The following BNC1 variants were observed in gnomAD, a reference collection of about 807,000 sequenced individuals.
BNC1 encodes the protein zinc finger protein basonuclin-1.
Under a neutral mutation model 66.5 loss-of-function variants are expected in BNC1, and 8 were observed. The ratio of observed to expected loss-of-function variants is 0.12; its 90% confidence interval spans 0.07 to 0.22. BNC1 has a LOEUF of 0.22. Ranked by LOEUF, BNC1 falls within the 10% of genes least tolerant of loss-of-function variation. The probability of loss-of-function intolerance (pLI) is 1.00; values close to 1 mark genes in which losing one functional copy is unlikely to be tolerated. For synonymous variants in BNC1, 454 were observed against 452.6 expected (o/e 1.00, Z -0.04); for missense variants, 1,069 against 1,241.3 (o/e 0.86, Z 2.09).
intron 1 of BNC1, among the ~76,000 whole-genome samples, chr15:83,278,422 G>C (rs1361133352): frequency 2.0e-5 from 3 of 152,162 alleles, no homozygotes; most frequent in African/African-American, 7.2e-5. Flanking sequence ...CAGCAGAGTA[G>C]AGAATATGAT....
At chr15:83,277,168 G>A (rs535585816) in intron 1 of BNC1, among the ~76,000 whole-genome samples, 5 of 152,112 alleles carry the variant, frequency 3.3e-5, no homozygotes, top group East Asian at 3.9e-4. Flanking sequence ...TCTACCTCCC[G>A]GGATCAAGGG....
At chr15:83,267,591 A>C (rs1319145534) in intron 2 of BNC1, among the ~76,000 whole-genome samples, 2 of 152,228 alleles carry the variant, frequency 1.3e-5, no homozygotes, top group African/African-American at 2.4e-5. Context: ...ACAAAATTTA[A>C]AACTCCATTC....
Position 83,257,910 on chromosome 15 carries a change from A to G in BNC1, c.2517T>C (p.Ser839=). 1.2e-6 allele frequency: 2 copies of G among 1,614,158 alleles called. No homozygotes were observed. Among genetic ancestry groups the G allele is most frequent in the African/African-American group, 1.3e-5 (1 of 75,030 alleles). ...CAGAGTTGTAGCTCTCCAGGCTGGC[A>G]CTGTGGACTTGCGTTATTGGGTAAA... ...SLVYPITQVH[S]ASLESYNSGP... Residue 839 remains serine (S), a synonymous_variant, in exon 5 of 5, where the codon AGT becomes AGC. Coordinates refer to ENST00000345382, the MANE Select transcript of BNC1 (RefSeq NM_001717.4).
At position 83,264,737 on chromosome 15, in the gene BNC1, G is replaced by A; in HGVS notation, c.514C>T (p.Arg172Cys). 1 of 1,614,146 alleles carries A rather than the reference G, an allele frequency of 6.2e-7. No individual in the cohort carries two copies. The highest frequency in any genetic ancestry group is 8.5e-7 in the Non-Finnish European group (1 of 1,180,022). The change falls in exon 4 of 5, where the codon CGT becomes TGT. Residue 172 changes from arginine to cysteine, a missense_variant. By Grantham distance (180) the Arg-to-Cys change is radical. This residue lies in a region of BNC1 where 181 missense variants were observed against 181.5 expected (regional missense o/e 1.00). Transcript: ENST00000345382. Reference protein sequence around the residue: ...EEVATLQQFLRFGETKSIVEL... With the variant: ...EEVATLQQFLCFGETKSIVEL... ...ACTATAGATTTGGTCTCTCCAAAAC[G>A]AAGGAACTGCTGCAAGGTGGCCACT...
rs1211473004 is a variant in BNC1, at chr15:83,267,005, A to G, written c.266T>C (p.Val89Ala). 6.2e-7 allele frequency: 1 copy of G among 1,613,994 alleles called. No homozygotes were observed. The highest frequency in any genetic ancestry group is 1.7e-5 in the Admixed American group (1 of 60,002). ...TSQVEIVQSN[V>A]VFDISSLMLY... ...CATGAGGCTGCTAATATCAAACACT[A>G]CATTGGACTGGACAATCTCCACCTG... The change falls in exon 3 of 5, where the codon GTA becomes GCA. Residue 89 changes from valine to alanine, a missense_variant. Val to Ala is a moderately conservative substitution (Grantham distance 64). This residue lies in a region of BNC1 where 39 missense variants were observed against 89.5 expected (regional missense o/e 0.44). Coordinates refer to ENST00000345382, the MANE Select transcript of BNC1 (RefSeq NM_001717.4).
chr15:83,256,882 A>G lies in BNC1; in HGVS notation c.*560T>C, dbSNP rs2038079395. On this transcript the variant is annotated 3_prime_UTR_variant, in exon 5 of 5. Coordinates refer to ENST00000345382, the MANE Select transcript of BNC1 (RefSeq NM_001717.4). ...AATCCTCTGAGAACTCCCTGGGGTA[A>G]CATATGAGACCTCTGGTGCAGGGCT... The G allele has an allele frequency of 6.5e-6, 1 of 152,990 alleles. No homozygotes were observed. Among genetic ancestry groups the G allele is most frequent in the Non-Finnish European group, 1.5e-5 (1 of 68,682 alleles). 9.5% of individuals were successfully genotyped at this position (152,990 alleles called of 1,614,324 possible). A position where few individuals can be genotyped will look rare whatever the true frequency, so the allele number is the denominator to read the frequency against.
intron 4 of BNC1, among the ~76,000 whole-genome samples, chr15:83,262,053 T>G (rs540556821): frequency 8.7e-5 from 13 of 148,810 alleles, no homozygotes; most frequent in African/African-American, 3.2e-4. Flanking sequence ...ATGTTTTTTT[T>G]TTTTTTTTTT....
intron 3 of BNC1, among the ~76,000 whole-genome samples, chr15:83,265,981 C>T (rs1170927664): frequency 6.6e-6 from 1 of 152,122 alleles, no homozygotes; most frequent in East Asian, 1.9e-4. Flanking sequence ...TTTTACCAAA[C>T]TTTGACATTT....
intron 4 of BNC1, 44 bp downstream of exon 4, chr15:83,262,907 A>G (rs753835588): frequency 3.3e-6 from 5 of 1,527,282 alleles, no homozygotes; most frequent in Non-Finnish European, 4.4e-6. Flanking sequence ...TTAAACTTGA[A>G]GAGCCACTGC....
rs1394742469 is a variant in BNC1 at position 83,267,048 on chromosome 15, G to A, written c.223C>T (p.Pro75Ser). The A allele has an allele frequency of 1.2e-6, 2 of 1,613,894 alleles. No individual in the cohort carries two copies. Among genetic ancestry groups the A allele is most frequent in the South Asian group, 1.1e-5 (1 of 91,048 alleles). The change falls in exon 3 of 5, where the codon CCC becomes TCC. Residue 75 changes from proline to serine, a missense_variant. By Grantham distance (74) the Pro-to-Ser change is moderately conservative. Coordinates refer to ENST00000345382, the MANE Select transcript of BNC1 (RefSeq NM_001717.4). ...TCCACCTGGCTTGTTGGATACATGG[G>A]GGGGATCCTTAGCTTACTTAGAGCT... Reference protein sequence around the residue: ...AHALSKLRIPPMYPTSQVEIV... With the variant: ...AHALSKLRIPSMYPTSQVEIV...
intron 1 of BNC1, among the ~76,000 whole-genome samples, chr15:83,277,588 C>G (rs1203061307): frequency 6.6e-6 from 1 of 152,198 alleles, no homozygotes; most frequent in African/African-American, 2.4e-5. Flanking sequence ...GGATTACAGG[C>G]ATGAGCCACC....
chr15:83,259,319 A>G (rs988728617), intron 4 of BNC1, among the ~76,000 whole-genome samples: 9 of 152,208 alleles, frequency 5.9e-5, no homozygotes, highest in Non-Finnish European at 1.3e-4. Context: ...CACTCCCCCA[A>G]TACATATCAG....
chr15:83,276,121 T>G (rs1483715756), intron 1 of BNC1, among the ~76,000 whole-genome samples: 4 of 152,186 alleles, frequency 2.6e-5, no homozygotes, highest in Non-Finnish European at 5.9e-5. Flanking sequence ...TACTCCTGCC[T>G]ACCTCAGAGG....
intron 1 of BNC1, among the ~76,000 whole-genome samples, chr15:83,268,607 G>A (rs1430281208): frequency 1.3e-5 from 2 of 152,214 alleles, no homozygotes; most frequent in Non-Finnish European, 2.9e-5. Context: ...TACAGAAGCT[G>A]TCTTGGAACA....
In BNC1 at chr15:83,256,058, A is replaced by C. The variant is rs547440290; in HGVS notation, c.*1384T>G. On this transcript the variant is annotated 3_prime_UTR_variant, in exon 5 of 5. Transcript: ENST00000345382. ...AAGTTTTAAGTTGTCACACTTATTA[A>C]AACAAAAAAAGCTGAAATAATTGGT... 3.1e-4 allele frequency: 48 copies of C among 152,774 alleles called. No individual in the cohort carries two copies. Among genetic ancestry groups the C allele is most frequent in the African/African-American group, 1.1e-3 (45 of 41,592 alleles). 9.5% of individuals were successfully genotyped at this position (152,774 alleles called of 1,614,324 possible). A position where few individuals can be genotyped will look rare whatever the true frequency, so the allele number is the denominator to read the frequency against.
At position 83,278,007 on chromosome 15, in the gene BNC1, A is replaced by G. The variant is rs183611384; in HGVS notation, c.99+6523T>C. Among the ~76,000 whole-genome samples the G allele has an allele frequency of 2.6e-4, 40 of 151,992 alleles. No homozygotes were observed. In the East Asian group the frequency reaches 7.5e-3, roughly 29 times the overall value. On this transcript the variant is annotated intron_variant, in intron 1 of 4. Transcript: ENST00000345382. ...TTAAGTTTCCCATTGTTTTTCTTAC[A>G]TATGAAAACCCACAGAGGTACAACT...
chr15:83,277,324 T>C (rs2038333763), intron 1 of BNC1, among the ~76,000 whole-genome samples: 1 of 152,174 alleles, frequency 6.6e-6, no homozygotes, highest in South Asian at 2.1e-4. Flanking sequence ...CTTTTTTTCT[T>C]TTTTGGAGAC....
chr15:83,268,337 G>T, intron 1 of BNC1, 105 bp from the exon 2 acceptor site: 5 of 990,724 alleles, frequency 5.0e-6, no homozygotes, highest in Non-Finnish European at 6.2e-6. Context: ...CACTTATTGA[G>T]CAATATGTGC....
intron 1 of BNC1, among the ~76,000 whole-genome samples, chr15:83,277,972 CTTTTTCT>C (rs1390565333): frequency 6.6e-6 from 1 of 151,974 alleles, no homozygotes; most frequent in Admixed American, 6.6e-5. Context: ...ACTCCTTTCA[CTTTTTCT>C]TTTTAAGTTT....
Sources: gnomAD v4.1 joint callset for allele counts (sites outside exome capture counted in the v4.1 genomes callset) on GRCh38, gnomAD v4.1.1 for gene constraint, gnomAD v4.1.1 regional missense constraint, MANE v1.5 for transcripts, NCBI Gene and HGNC (gene_info 2026-07-23, HGNC 2026-07-21) for gene names.